ABCA13: variants seen among roughly 807,000 people sequenced by gnomAD.
The protein encoded by ABCA13 is ATP-binding cassette sub-family A member 13.
Under a neutral mutation model 478.7 loss-of-function variants are expected in ABCA13, and 476 were observed. The observed-to-expected ratio is 0.99, with a 90% CI of 0.92 to 1.07. The LOEUF (loss-of-function observed/expected upper bound fraction) is 1.07. ABCA13 is among the 50% of genes least tolerant of loss of function. The pLI, the probability that ABCA13 is intolerant of heterozygous loss-of-function variation, is 0.00. For missense variants in ABCA13, 6,060 were observed against 5,910.6 expected, an observed-to-expected ratio of 1.03 and a Z score of -0.83; for synonymous variants, 2,252 against 2,158.9, an observed-to-expected ratio of 1.04 and a Z score of -1.20.
At position 48,274,631 on chromosome 7, in the gene ABCA13, T is replaced by A; in HGVS notation, c.4965T>A (p.Gly1655=). Reference sequence around the variant, plus strand: ...ATCACACTAGTCCACAAAATGCAGGTTATATGCAAGCTTTGAAGAAGGTAA... The same window carrying A: ...ATCACACTAGTCCACAAAATGCAGGATATATGCAAGCTTTGAAGAAGGTAA... The part of the protein sequence containing the change: ...VVHHTSPQNA[G]YMQALKKVTS... The change falls in exon 17 of 62, where the codon GGT becomes GGA. Residue 1655 remains glycine (G), a synonymous_variant. Coordinates refer to ENST00000435803, the MANE Select transcript of ABCA13 (RefSeq NM_152701.5). 1 of 1,613,970 alleles carries A rather than the reference T, an allele frequency of 6.2e-7. No individual in the cohort carries two copies. The highest frequency in any genetic ancestry group is 1.1e-5 in the South Asian group (1 of 91,084).
intron 29 of ABCA13, among the ~76,000 whole-genome samples, chr7:48,343,670 T>C (rs1807607117): frequency 6.6e-6 from 1 of 152,142 alleles, no homozygotes; most frequent in Non-Finnish European, 1.5e-5. Flanking sequence ...TGGTGCTTTC[T>C]GAGATTTTAG....
At chr7:48,191,399 T>C (rs1584064033) in intron 1 of ABCA13, among the ~76,000 whole-genome samples, 2 of 152,208 alleles carry the variant, frequency 1.3e-5, no homozygotes, top group Non-Finnish European at 2.9e-5. Context: ...AAGACGGTGA[T>C]TTATTTTTAA....
Position 48,516,821 on chromosome 7 carries a change from C to T in ABCA13, c.13737C>T (p.Gly4579=), listed in dbSNP as rs1464812611. The T allele has an allele frequency of 6.2e-7, 1 of 1,613,800 alleles. No homozygotes were observed. The highest frequency in any genetic ancestry group is 8.5e-7 in the Non-Finnish European group (1 of 1,179,734). The part of the protein sequence containing the change: ...ISYVSLNFIF[G]LCTMLITIMP... The stretch of plus-strand genomic sequence containing the variant: ...ATGTCTCACTAAACTTCATCTTTGG[C>T]CTTTGTACCATGCTCATAACCATTA... The change falls in exon 52 of 62, where the codon GGC becomes GGT. Residue 4579 remains glycine, a synonymous_variant. Coordinates refer to ENST00000435803, the MANE Select transcript of ABCA13 (RefSeq NM_152701.5).
chr7:48,317,593 G>A (rs1374524557), intron 27 of ABCA13, among the ~76,000 whole-genome samples: 1 of 152,198 alleles, frequency 6.6e-6, no homozygotes, highest in African/African-American at 2.4e-5. Context: ...CAGAGAGGAG[G>A]ACTGTTTGGA....
At chr7:48,569,147 T>C (rs1787365524) in intron 55 of ABCA13, among the ~76,000 whole-genome samples, 1 of 152,074 alleles carries the variant, frequency 6.6e-6, no homozygotes, top group Admixed American at 6.6e-5. Flanking sequence ...TTTTTTATTC[T>C]GTTTTCTTTA....
At chr7:48,245,450 C>A in intron 11 of ABCA13, 62 bp from the exon 12 acceptor site, 2 of 1,265,268 alleles carry the variant, frequency 1.6e-6, no homozygotes, top group Non-Finnish European at 1.1e-6. Context: ...GATTCATGGC[C>A]ATGTATAAAA....
intron 53 of ABCA13, among the ~76,000 whole-genome samples, chr7:48,520,631 C>A (rs1227151811): frequency 6.6e-6 from 1 of 152,006 alleles, no homozygotes; most frequent in East Asian, 1.9e-4. Context: ...TATACATGAG[C>A]CATGTTGGTG....
chr7:48,527,930 G>A (rs374358714), intron 54 of ABCA13, among the ~76,000 whole-genome samples: 1 of 152,136 alleles, frequency 6.6e-6, no homozygotes, highest in South Asian at 2.1e-4. Flanking sequence ...ATAATTTGGG[G>A]GTAGTTGGCA....
At chr7:48,363,964 T>A (rs1412869602) in intron 31 of ABCA13, among the ~76,000 whole-genome samples, 2 of 152,182 alleles carry the variant, frequency 1.3e-5, no homozygotes, top group Admixed American at 1.3e-4. Context: ...CATGGGTTTT[T>A]CACTTGTTAA....
chr7:48,265,416 G>T (rs1334830385), intron 15 of ABCA13, among the ~76,000 whole-genome samples: 1 of 151,398 alleles, frequency 6.6e-6, no homozygotes, highest in Non-Finnish European at 1.5e-5. Context: ...CTAGCTCATG[G>T]TATATCTCTC....
chr7:48,468,254 A>G (rs1315922420), intron 44 of ABCA13, among the ~76,000 whole-genome samples: 3 of 152,166 alleles, frequency 2.0e-5, no homozygotes, highest in Admixed American at 6.5e-5. Context: ...TTCCTTTTAC[A>G]TGGGTTGCAG....
intron 55 of ABCA13, among the ~76,000 whole-genome samples, chr7:48,575,682 T>C (rs113429399): frequency 4.0e-5 from 6 of 151,818 alleles, no homozygotes; most frequent in African/African-American, 1.4e-4. Context: ...ATGTGGAACA[T>C]GAAAAAATGA....
intron 3 of ABCA13, among the ~76,000 whole-genome samples, chr7:48,212,882 A>G (rs1191514433): frequency 6.6e-6 from 1 of 151,990 alleles, no homozygotes; most frequent in Non-Finnish European, 1.5e-5. Context: ...TTATTTTCTC[A>G]TTTGTGCTGT....
chr7:48,507,865 C>A lies in ABCA13; in HGVS notation c.13347-7C>A. The A allele has an allele frequency of 6.3e-7, 1 of 1,599,174 alleles. No homozygotes were observed. The highest frequency in any genetic ancestry group is 8.5e-7 in the Non-Finnish European group (1 of 1,172,156). On this transcript the variant is annotated splice_polypyrimidine_tract_variant and splice_region_variant and intron_variant, in intron 49 of 61. Transcript: ENST00000435803. ...GGTGCCTGAGAGCTGCTCTGTTCCA[C>A]CCGCAGCCTGGAGAGCATCCGTCAG...
At chr7:48,380,036 T>C (rs1814102174) in intron 35 of ABCA13, among the ~76,000 whole-genome samples, 1 of 152,156 alleles carries the variant, frequency 6.6e-6, no homozygotes, top group Admixed American at 6.5e-5. Context: ...ATAATATTAA[T>C]AATATAAGAG....
rs1795407466 is a variant in ABCA13 at position 48,645,887 on chromosome 7, T to A, written c.*375T>A. On this transcript the variant is annotated 3_prime_UTR_variant, in exon 62 of 62. Transcript: ENST00000435803. ...CCACTCTAAACATGTCACTTTTCTG[T>A]TAAGAAAACTGAGCCCCCTCCCCAC... 5.8e-6 allele frequency: 1 copy of A among 171,614 alleles called. No homozygotes were observed. The highest frequency in any genetic ancestry group is 6.4e-5 in the Admixed American group (1 of 15,544). 10.6% of individuals were successfully genotyped at this position (171,614 alleles called of 1,614,324 possible).
chr7:48,313,983 ATGTG>A (rs1554436363), intron 25 of ABCA13, among the ~76,000 whole-genome samples: 53 of 78,262 alleles, frequency 6.8e-4, no homozygotes, highest in Non-Finnish European at 2.1e-4. Context: ...GTGTGTGTGT[ATGTG>A]TGTGTGTGTG....
At chr7:48,319,920 G>A (rs1227725439) in intron 27 of ABCA13, among the ~76,000 whole-genome samples, 1 of 152,082 alleles carries the variant, frequency 6.6e-6, no homozygotes, top group African/African-American at 2.4e-5. Context: ...CCTTAGTAAG[G>A]CCTTCCGCCT....
intron 3 of ABCA13, among the ~76,000 whole-genome samples, chr7:48,212,402 A>G (rs1327129923): frequency 6.6e-6 from 1 of 152,244 alleles, no homozygotes; most frequent in Non-Finnish European, 1.5e-5. Context: ...AACATTAAAA[A>G]ATAAATCTGT....
Sources: allele counts gnomAD v4.1 joint callset (sites outside exome capture counted in the v4.1 genomes callset), GRCh38; gene constraint gnomAD v4.1.1; transcripts MANE v1.5; gene names NCBI Gene and HGNC (gene_info 2026-07-23, HGNC 2026-07-21).